The following SRD5A2 variants were observed in gnomAD, a reference collection of about 807,000 sequenced individuals.
SRD5A2 encodes the protein 3-oxo-5-alpha-steroid 4-dehydrogenase 2.
A neutral mutation model predicts 27.4 loss-of-function variants in SRD5A2; 30 were observed. The ratio of observed to expected loss-of-function variants is 1.10; its 90% CI spans 0.82 to 1.49. SRD5A2 has a LOEUF of 1.49. Among genes scored for constraint, SRD5A2 ranks in the 40% most tolerant of loss-of-function variants. The probability of loss-of-function intolerance (pLI) is 0.00; values close to 1 mark genes in which losing one functional copy is unlikely to be tolerated. For synonymous variants in SRD5A2, 141 were observed against 133.6 expected (o/e 1.06, Z -0.38); for missense variants, 348 against 323.4 (o/e 1.08, Z -0.58).
At chr2:31,531,804 G>T (rs1665914453) in intron 2 of SRD5A2, among the ~76,000 whole-genome samples, 1 of 152,176 alleles carries the variant, frequency 6.6e-6, no homozygotes, top group African/African-American at 2.4e-5. Context: ...TAAGCCTTTA[G>T]CTCATTCACA....
intron 1 of SRD5A2, among the ~76,000 whole-genome samples, chr2:31,537,283 A>C (rs1321858134): frequency 6.6e-6 from 1 of 152,090 alleles, no homozygotes; most frequent in African/African-American, 2.4e-5. Flanking sequence ...AACCTTGTTC[A>C]TCTACTACTC....
chr2:31,643,103 C>T, the SRD5A2 span, among the ~76,000 whole-genome samples: 2 of 152,110 alleles, frequency 1.3e-5, no homozygotes, highest in African/African-American at 4.8e-5. Context: ...GTTTGAGTTA[C>T]ATAAGTGCAA....
the SRD5A2 span, among the ~76,000 whole-genome samples, chr2:31,662,805 A>G: frequency 7.9e-5 from 12 of 152,248 alleles, no homozygotes; most frequent in East Asian, 1.9e-4. Flanking sequence ...CAAAATCTCT[A>G]TTCAGCTCTT....
chr2:31,537,451 T>G lies in SRD5A2; in HGVS notation c.282-3685A>C, dbSNP rs77106276. On this transcript the variant is annotated intron_variant, in intron 1 of 4. Transcript: ENST00000622030. ...CACATTCCCAAACCCAAGAATCAATTTACAACTCTCTTCTTATTTGACAAA... is the reference window on the plus strand; with the variant it reads ...CACATTCCCAAACCCAAGAATCAATGTACAACTCTCTTCTTATTTGACAAA... 9.6e-3 allele frequency among the ~76,000 whole-genome samples: 1,462 copies of G among 152,186 alleles called. 29 individuals are homozygous for G. Among genetic ancestry groups the G allele is most frequent in the African/African-American group, 0.032 (1,347 of 41,512 alleles).
chr2:31,585,957 T>C, the SRD5A2 span, among the ~76,000 whole-genome samples: 1 of 152,294 alleles, frequency 6.6e-6, no homozygotes, highest in South Asian at 2.1e-4. Context: ...CTCCTCTGCC[T>C]TTGGACAGGG....
chr2:31,639,794 T>C, the SRD5A2 span, among the ~76,000 whole-genome samples: 2 of 152,124 alleles, frequency 1.3e-5, no homozygotes, highest in African/African-American at 4.8e-5. Context: ...CCTTGACATT[T>C]GAGAATTTGA....
At chr2:31,580,008 C>G (rs148939453) in intron 1 of SRD5A2, among the ~76,000 whole-genome samples, 1 of 152,182 alleles carries the variant, frequency 6.6e-6, no homozygotes, top group Non-Finnish European at 1.5e-5. Context: ...GGGACCCTCG[C>G]TTGAGTCAGT....
intron 1 of SRD5A2, among the ~76,000 whole-genome samples, chr2:31,566,868 A>G (rs947175135): frequency 6.6e-6 from 1 of 152,218 alleles, no homozygotes; most frequent in Non-Finnish European, 1.5e-5. Context: ...AAATACTTTA[A>G]TAATACTAAA....
At chr2:31,556,226 C>T (rs781307017) in intron 1 of SRD5A2, among the ~76,000 whole-genome samples, 3 of 152,166 alleles carry the variant, frequency 2.0e-5, no homozygotes, top group Non-Finnish European at 4.4e-5. Flanking sequence ...TGGTTTTAGA[C>T]ATATTAGAGA....
At chr2:31,648,269 A>G in the SRD5A2 span, among the ~76,000 whole-genome samples, 1 of 152,260 alleles carries the variant, frequency 6.6e-6, no homozygotes, top group Non-Finnish European at 1.5e-5. Flanking sequence ...CATTTTGGGA[A>G]CAGCAGAAAC....
intron 1 of SRD5A2, among the ~76,000 whole-genome samples, chr2:31,545,826 A>G (rs950703688): frequency 6.6e-6 from 1 of 152,200 alleles, no homozygotes; most frequent in African/African-American, 2.4e-5. Context: ...ACGATTCCAC[A>G]TACATTTTTA....
chr2:31,540,487 G>A (rs892533275), intron 1 of SRD5A2, among the ~76,000 whole-genome samples: 1 of 152,082 alleles, frequency 6.6e-6, no homozygotes, highest in Admixed American at 6.6e-5. Flanking sequence ...CAGGGTAAAC[G>A]TAATAAAAAG....
chr2:31,592,395 A>G, the SRD5A2 span, among the ~76,000 whole-genome samples: 2 of 152,178 alleles, frequency 1.3e-5, no homozygotes, highest in African/African-American at 4.8e-5. Flanking sequence ...CCAGCATTTG[A>G]GAAAACGAGT....
At chr2:31,530,907 C>T (rs544956034) in intron 3 of SRD5A2, among the ~76,000 whole-genome samples, 1 of 152,274 alleles carries the variant, frequency 6.6e-6, no homozygotes, top group East Asian at 1.9e-4. Flanking sequence ...TTCTCTACAC[C>T]TTTAAAAGTA....
At chr2:31,558,557 C>T (rs545765406) in intron 1 of SRD5A2, among the ~76,000 whole-genome samples, 15 of 152,276 alleles carry the variant, frequency 9.9e-5, no homozygotes, top group African/African-American at 2.9e-4. Context: ...GCCATCGTCC[C>T]GGTGTTTCCC....
intron 1 of SRD5A2, 76 bp downstream of exon 1, chr2:31,580,544 C>T: frequency 1.4e-5 from 20 of 1,414,010 alleles, no homozygotes; most frequent in Non-Finnish European, 1.8e-5. Context: ...CCTCGGTGCG[C>T]GCTCCACGCT....
At chr2:31,561,192 C>T (rs867909879) in intron 1 of SRD5A2, among the ~76,000 whole-genome samples, 9 of 152,144 alleles carry the variant, frequency 5.9e-5, no homozygotes, top group Middle Eastern at 3.2e-3. Context: ...TGACTCCTCT[C>T]CAAGTGTGCC....
chr2:31,625,497 T>C, the SRD5A2 span, among the ~76,000 whole-genome samples: 1 of 152,246 alleles, frequency 6.6e-6, no homozygotes, highest in African/African-American at 2.4e-5. Flanking sequence ...GTTTTAGGTC[T>C]AACATTTAAG....
intron 1 of SRD5A2, among the ~76,000 whole-genome samples, chr2:31,535,023 A>ATTTT (rs397775368): frequency 2.1e-5 from 3 of 143,312 alleles, no homozygotes; most frequent in African/African-American, 7.7e-5. Context: ...GTGTGAGTCA[A>ATTTT]TTTTTTTTTT....
Sources: gnomAD v4.1 joint callset for allele counts (sites outside exome capture counted in the v4.1 genomes callset) on GRCh38, gnomAD v4.1.1 for gene constraint, MANE v1.5 for transcripts, NCBI Gene and HGNC (gene_info 2026-07-23, HGNC 2026-07-21) for gene names.